The following SMO variants were observed in gnomAD, a reference collection of about 807,000 sequenced individuals.
SMO encodes the protein smoothened, frizzled class receptor.
SMO carries 40 observed loss-of-function variants against 81.6 expected under a neutral mutation model. The ratio of observed to expected loss-of-function variants is 0.49; its 90% CI spans 0.38 to 0.64. The LOEUF is 0.64. Ranked by LOEUF, SMO falls within the 30% of genes least tolerant of loss-of-function variation. SMO has a pLI of 0.00. For synonymous variants in SMO, 434 were observed against 432.1 expected, an observed-to-expected ratio of 1.00 and a Z score of -0.05; for missense variants, 916 against 1,061.1, an observed-to-expected ratio of 0.86 and a Z score of 1.90.
Position 129,208,807 on chromosome 7 carries a change from G to A in SMO, c.1313G>A (p.Ser438Asn). The A allele has an allele frequency of 6.2e-7, 1 of 1,614,082 alleles. No individual in the cohort carries two copies. Among genetic ancestry groups the A allele is most frequent in the Non-Finnish European group, 8.5e-7 (1 of 1,179,980 alleles). Residue 438 changes from serine (S) to asparagine (N), a missense_variant, in exon 7 of 12, where the codon AGT (serine) becomes AAT (asparagine). Coordinates refer to ENST00000249373, the MANE Select transcript of SMO (RefSeq NM_005631.5). This position sits in a 1 kb window ranked among gnomAD's most constrained non-coding sequence, Gnocchi z 5.2. ...AAGAGCAACCACCCCGGGCTGCTGA[G>A]TGAGAAGGCTGCCAGCAAGATCAAC... ...SIKSNHPGLL[S>N]EKAASKINET...
intron 1 of SMO, among the ~76,000 whole-genome samples, chr7:129,193,785 AATATATATAT>A (rs71526088): frequency 1.3e-3 from 33 of 26,352 alleles, no homozygotes; most frequent in East Asian, 2.9e-3. Context: ...AAAAAAAAAA[AATATATATAT>A]ATATATATAT....
intron 1 of SMO, among the ~76,000 whole-genome samples, chr7:129,194,113 T>C (rs996330189): frequency 1.3e-5 from 2 of 151,536 alleles, no homozygotes; most frequent in Non-Finnish European, 2.9e-5. Context: ...AATACATACA[T>C]ACATATAGAT....
rs1793446379 is a variant in SMO at position 129,189,316 on chromosome 7, T to C, written c.165T>C (p.Thr55=). The C allele has an allele frequency of 1.3e-6, 2 of 1,493,090 alleles. No individual in the cohort carries two copies. Among genetic ancestry groups the C allele is most frequent in the African/African-American group, 1.5e-5 (1 of 68,534 alleles). The allele number at this position is 1,493,090 out of a possible 1,614,324, so 92.5% of individuals were successfully genotyped here. Residue 55 remains threonine, a synonymous_variant, in exon 1 of 12, where the codon ACT becomes ACC. Transcript: ENST00000249373. The surrounding 1 kb of genome is among the most constrained non-coding windows in gnomAD (Gnocchi z 4.7). ...GGSARRSAAV[T]GPPPPLSHCG... ...GCGCGAGGAGGAGCGCGGCGGTGAC[T>C]GGCCCTCCGCCGCCGCTGAGCCACT...
In SMO at chr7:129,210,790, C is replaced by G. The variant is rs1793856610; in HGVS notation, c.1653-175C>G. Among the ~76,000 whole-genome samples the G allele has an allele frequency of 2.0e-5, 3 of 152,222 alleles. No individual in the cohort carries two copies. Among genetic ancestry groups the G allele is most frequent in the Admixed American group, 2.0e-4 (3 of 15,282 alleles). ...GATTGGAGGGCTGGGCACACAGGAGCTCTGCATTCTGGCCCCACTTCTTTG... is the reference window on the plus strand; with the variant it reads ...GATTGGAGGGCTGGGCACACAGGAGGTCTGCATTCTGGCCCCACTTCTTTG... On this transcript the variant is annotated intron_variant, in intron 9 of 11. Transcript: ENST00000249373. This position sits in a 1 kb window ranked among gnomAD's most constrained non-coding sequence, Gnocchi z 4.7.
At chr7:129,203,029 A>T (rs189849994) in intron 1 of SMO, among the ~76,000 whole-genome samples, 1 of 152,200 alleles carries the variant, frequency 6.6e-6, no homozygotes, top group Non-Finnish European at 1.5e-5. Flanking sequence ...CCAACATCCC[A>T]TGTAACCAGT....
At position 129,208,382 on chromosome 7, in the gene SMO, C is replaced by T. The variant is rs969974405; in HGVS notation, c.1265-377C>T. ...AGGAGAATTGCTTGAACCTGGGAGG[C>T]GGAGTTTACAATGAGCCGAGATCAC... On this transcript the variant is annotated intron_variant, in intron 6 of 11. Transcript: ENST00000249373. The surrounding 1 kb of genome is among the most constrained non-coding windows in gnomAD (Gnocchi z 5.2). Among the ~76,000 whole-genome samples the T allele has an allele frequency of 6.6e-6, 1 of 151,672 alleles. No homozygotes were observed. The highest frequency in any genetic ancestry group is 1.5e-5 in the Non-Finnish European group (1 of 67,944).
At position 129,210,597 on chromosome 7, in the gene SMO, C is replaced by G. The variant is rs2150654139; in HGVS notation, c.1652+49C>G. 6.8e-7 allele frequency: 1 copy of G among 1,459,884 alleles called. No individual in the cohort carries two copies. Among genetic ancestry groups the G allele is most frequent in the Non-Finnish European group, 9.6e-7 (1 of 1,044,532 alleles). The allele number at this position is 1,459,884 out of a possible 1,614,324, so 90.4% of individuals were successfully genotyped here. ...CTGCCCTGCCCGCCTCACCCTCAGCCTTGGGACCCCATCTTTAGGTTTTGT... is the reference window on the plus strand; with the variant it reads ...CTGCCCTGCCCGCCTCACCCTCAGCGTTGGGACCCCATCTTTAGGTTTTGT... On this transcript the variant is annotated intron_variant, in intron 9 of 11. Transcript: ENST00000249373. This position sits in a 1 kb window ranked among gnomAD's most constrained non-coding sequence, Gnocchi z 4.7.
intron 1 of SMO, among the ~76,000 whole-genome samples, chr7:129,197,435 A>G (rs142540653): frequency 1.5e-3 from 235 of 151,932 alleles, no homozygotes; most frequent in Middle Eastern, 0.01. Flanking sequence ...AATTTTATCA[A>G]CTTTTTTTTT....
intron 1 of SMO, among the ~76,000 whole-genome samples, chr7:129,202,668 G>A (rs1793689562): frequency 6.6e-6 from 1 of 151,978 alleles, no homozygotes; most frequent in Non-Finnish European, 1.5e-5. Context: ...TCCTCCTCTG[G>A]CTTTGGAGTG....
At position 129,210,211 on chromosome 7, in the gene SMO, CAGG is replaced by C. The variant is rs1453929462; in HGVS notation, c.1467-149_1467-147del. 4.9e-6 allele frequency: 3 copies of C among 617,818 alleles called. No individual in the cohort carries two copies. Among genetic ancestry groups the C allele is most frequent in the Non-Finnish European group, 8.5e-6 (3 of 351,054 alleles). 38.3% of individuals were successfully genotyped at this position (617,818 alleles called of 1,614,324 possible). On this transcript the variant is annotated intron_variant, in intron 8 of 11. Coordinates refer to ENST00000249373, the MANE Select transcript of SMO (RefSeq NM_005631.5). The surrounding 1 kb of genome is among the most constrained non-coding windows in gnomAD (Gnocchi z 4.7). ...GTCCCAGCTACTTGGGAGGCTGAAG[CAGG>C]AGATTGCCTGAGCCCAGGAGTTGGA...
chr7:129,205,631 C>A lies in SMO; in HGVS notation c.769C>A (p.Arg257=), dbSNP rs1428746507. Residue 257 remains arginine, a synonymous_variant, in exon 4 of 12, where the codon CGG becomes AGG. Transcript: ENST00000249373. The part of the protein sequence containing the change: ...FTLATFVADW[R]NSNRYPAVIL... ...CTAGGCCACATTCGTGGCTGACTGGCGGAACTCGAATCGCTACCCTGCTGT... is the reference window on the plus strand; with the variant it reads ...CTAGGCCACATTCGTGGCTGACTGGAGGAACTCGAATCGCTACCCTGCTGT... The A allele has an allele frequency of 1.2e-6, 2 of 1,613,754 alleles. No homozygotes were observed. Among genetic ancestry groups the A allele is most frequent in the South Asian group, 1.1e-5 (1 of 91,070 alleles).
rs1243854921 is a variant in SMO, at chr7:129,189,641, T to G, written c.331+159T>G. Among the ~76,000 whole-genome samples, 1 of 151,912 alleles carries G rather than the reference T, an allele frequency of 6.6e-6. No individual in the cohort carries two copies. The highest frequency in any genetic ancestry group is 2.4e-5 in the African/African-American group (1 of 41,334). ...CCCGAAACTTTGGGGGCAGGTTACG[T>G]GCAGGATGGGACCCTCGGTCATGGG... On this transcript the variant is annotated intron_variant, in intron 1 of 11. Transcript: ENST00000249373. This position sits in a 1 kb window ranked among gnomAD's most constrained non-coding sequence, Gnocchi z 4.7.
chr7:129,197,035 G>T lies in SMO; in HGVS notation c.332-6349G>T, dbSNP rs887232208. The stretch of plus-strand genomic sequence containing the variant: ...CCGTCTCAAAAAAAAAAAAAAAAAA[G>T]AAATAAAATTGATGCCTTTAACATT... On this transcript the variant is annotated intron_variant, in intron 1 of 11. Transcript: ENST00000249373. Among the ~76,000 whole-genome samples, 313 of 117,182 alleles carry T rather than the reference G, an allele frequency of 2.7e-3. 3 individuals carry two copies. Among genetic ancestry groups the T allele is most frequent in the African/African-American group, 9.0e-3 (299 of 33,046 alleles). 76.9% of individuals were successfully genotyped at this position (117,182 alleles called of 152,430 possible).
At chr7:129,193,929 A>AC (rs992351468) in intron 1 of SMO, among the ~76,000 whole-genome samples, 4 of 143,536 alleles carry the variant, frequency 2.8e-5, no homozygotes, top group African/African-American at 7.8e-5. Flanking sequence ...ACAAAGTGAG[A>AC]CCCCATCTCT....
chr7:129,200,373 A>G (rs1356432944), intron 1 of SMO, among the ~76,000 whole-genome samples: 2 of 152,210 alleles, frequency 1.3e-5, no homozygotes, highest in East Asian at 1.9e-4. Context: ...GTGAGCCGAG[A>G]TCACATTACT....
chr7:129,203,711 C>A, intron 2 of SMO, 122 bp downstream of exon 2: 1 of 709,010 alleles, frequency 1.4e-6, no homozygotes, highest in Non-Finnish European at 2.3e-6. Context: ...GAGCCTACAG[C>A]CATGGGGTCA....
chr7:129,207,059 G>C (rs1307531867), intron 6 of SMO, among the ~76,000 whole-genome samples: 1 of 152,164 alleles, frequency 6.6e-6, no homozygotes, highest in Non-Finnish European at 1.5e-5. Context: ...TAGCCAGGCT[G>C]GTCTTGAACT....
At chr7:129,207,453 T>G (rs1456961394) in intron 6 of SMO, among the ~76,000 whole-genome samples, 1 of 152,166 alleles carries the variant, frequency 6.6e-6, no homozygotes, top group Admixed American at 6.6e-5. Flanking sequence ...TTGTTGGGTT[T>G]TCTTTGTAAA....
intron 1 of SMO, among the ~76,000 whole-genome samples, chr7:129,194,634 A>C (rs1484050324): frequency 6.6e-6 from 1 of 152,026 alleles, no homozygotes; most frequent in Admixed American, 6.6e-5. Context: ...TAAGCAGTAT[A>C]TTTCAGCTTT....
Sources: gnomAD v4.1 joint callset for allele counts (sites outside exome capture counted in the v4.1 genomes callset) on GRCh38, gnomAD v4.1.1 for gene constraint, Gnocchi (gnomAD v3.1) non-coding constraint, MANE v1.5 for transcripts, NCBI Gene and HGNC (gene_info 2026-07-23, HGNC 2026-07-21) for gene names.